Variants in MPRIP observed in about 807,000 individuals in gnomAD.
The protein encoded by MPRIP is myosin phosphatase Rho-interacting protein.
MPRIP carries 59 observed loss-of-function variants against 234.9 expected under a neutral mutation model. The observed-to-expected ratio is 0.25, with a 90% CI of 0.20 to 0.31. The LOEUF (loss-of-function observed/expected upper bound fraction) is 0.31. Among genes scored for constraint, MPRIP ranks in the 10% least tolerant of loss-of-function variants. The pLI is 1.00. For missense variants in MPRIP, 2,436 were observed against 3,071.0 expected, an observed-to-expected ratio of 0.79 and a Z score of 4.89; for synonymous variants, 1,144 against 1,263.9, an observed-to-expected ratio of 0.91 and a Z score of 2.01.
Position 17,172,678 on chromosome 17 carries a change from G to A in MPRIP, c.6473-20G>A. 2 of 1,603,492 alleles carry A rather than the reference G, an allele frequency of 1.2e-6. No individual in the cohort carries two copies. Among genetic ancestry groups the A allele is most frequent in the Non-Finnish European group, 1.7e-6 (2 of 1,173,926 alleles). On this transcript the variant is annotated intron_variant, in intron 17 of 23. Transcript: ENST00000651222. ...GAAGGGCGTGGTCCCTCGGTGCTGA[G>A]GCCGTGTCCTTGCCTGCAGCCATCG...
At position 17,166,886 on chromosome 17, in the gene MPRIP, C is replaced by T. The variant is rs1002062767; in HGVS notation, c.5295C>T (p.Phe1765=). ...ACTCAGACAGCTCTCAGGAGCCCTTCGATGTGTCTGACCAGAGCCCTGGGG... is the reference window on the plus strand; with the variant it reads ...ACTCAGACAGCTCTCAGGAGCCCTTTGATGTGTCTGACCAGAGCCCTGGGG... ...GRDSDSSQEP[F]DVSDQSPGAF... is the part of the protein sequence containing the mutation. The change falls in exon 16 of 24, where the codon TTC becomes TTT. Residue 1765 remains phenylalanine, a synonymous_variant. Coordinates refer to ENST00000651222, the MANE Select transcript of MPRIP (RefSeq NM_001364716.4). The surrounding 1 kb of genome is among the most constrained non-coding windows in gnomAD (Gnocchi z 4.4). The T allele has an allele frequency of 6.6e-5, 86 of 1,304,060 alleles. No homozygotes were observed. In the East Asian group the frequency reaches 7.8e-4, roughly 12 times the overall value. 80.8% of individuals were successfully genotyped at this position (1,304,060 alleles called of 1,614,324 possible). A position where few individuals can be genotyped will look rare whatever the true frequency, so the allele number is the denominator to read the frequency against.
At chr17:17,052,727 G>T (rs1460074126) in intron 1 of MPRIP, among the ~76,000 whole-genome samples, 1 of 152,196 alleles carries the variant, frequency 6.6e-6, no homozygotes, top group Non-Finnish European at 1.5e-5. Context: ...CTCAGCCTCG[G>T]GGTGCCCCAC....
chr17:17,176,519 C>A lies in MPRIP; in HGVS notation c.6957+7C>A. The A allele has an allele frequency of 6.2e-7, 1 of 1,609,122 alleles. No individual in the cohort carries two copies. The highest frequency in any genetic ancestry group is 8.5e-7 in the Non-Finnish European group (1 of 1,175,676). Reference sequence around the variant, plus strand: ...GCTGCAGACGGCACTGCGGGTAAGGCCACCGCACCACAGGAGGGCGGGTAC... The same window carrying A: ...GCTGCAGACGGCACTGCGGGTAAGGACACCGCACCACAGGAGGGCGGGTAC... On this transcript the variant is annotated splice_region_variant and intron_variant, in intron 21 of 23. Transcript: ENST00000651222.
intron 1 of MPRIP, among the ~76,000 whole-genome samples, chr17:17,067,605 C>T (rs955738745): frequency 1.1e-4 from 16 of 152,026 alleles, no homozygotes; most frequent in Middle Eastern, 3.2e-3. Flanking sequence ...TAAGGGAAAC[C>T]GTGGAACTGT....
intron 1 of MPRIP, among the ~76,000 whole-genome samples, chr17:17,066,419 A>T (rs1400341866): frequency 6.6e-6 from 1 of 152,180 alleles, no homozygotes; most frequent in African/African-American, 2.4e-5. Context: ...TCTTCTGTAG[A>T]GCATTAATTT....
At chr17:17,184,747 G>T in intron 23 of MPRIP, 76 bp from the exon 24 acceptor site, 2 of 1,171,272 alleles carry the variant, frequency 1.7e-6, no homozygotes, top group Non-Finnish European at 2.5e-6. Context: ...CCAGCGGTCC[G>T]GTCTGGTCCG....
At chr17:17,077,030 C>G (rs1302472820) in intron 2 of MPRIP, 1 of 149,814 alleles carries the variant, frequency 6.7e-6, no homozygotes, top group Non-Finnish European at 1.5e-5. Flanking sequence ...CAGTCTTGAC[C>G]TCCCAGGTTC....
chr17:17,083,773 C>G (rs1042691282), intron 3 of MPRIP, among the ~76,000 whole-genome samples: 2 of 152,104 alleles, frequency 1.3e-5, no homozygotes, highest in African/African-American at 4.8e-5. Flanking sequence ...GAGATGGAGT[C>G]TCACTCTGTC....
intron 17 of MPRIP, among the ~76,000 whole-genome samples, 165 bp downstream of exon 17, chr17:17,172,030 T>C (rs1255406686): frequency 6.6e-6 from 1 of 152,248 alleles, no homozygotes; most frequent in African/African-American, 2.4e-5. Context: ...AGGCCAATTT[T>C]AGGTCCCTTT....
chr17:17,182,752 T>G (rs983438526), intron 23 of MPRIP: 3 of 152,470 alleles, frequency 2.0e-5, no homozygotes, highest in African/African-American at 7.2e-5. Flanking sequence ...GGGCCTGCTG[T>G]AGCAGGAATC....
chr17:17,140,203 T>C (rs547051227), intron 7 of MPRIP, among the ~76,000 whole-genome samples: 2 of 152,282 alleles, frequency 1.3e-5, no homozygotes, highest in Admixed American at 1.3e-4. Context: ...GGATCAGCTA[T>C]GTCCTGGTTT....
intron 11 of MPRIP, among the ~76,000 whole-genome samples, chr17:17,148,581 T>G (rs1237847938): frequency 6.6e-6 from 1 of 152,234 alleles, no homozygotes; most frequent in Admixed American, 6.5e-5. Flanking sequence ...CCTCAATCTT[T>G]AAATGCCCAT....
chr17:17,058,612 C>CT (rs748562350), intron 1 of MPRIP, among the ~76,000 whole-genome samples: 3 of 152,120 alleles, frequency 2.0e-5, no homozygotes, highest in Non-Finnish European at 4.4e-5. Context: ...GGTGTTGCCT[C>CT]TGTCACAGCC....
chr17:17,054,523 C>G (rs1481794678), intron 1 of MPRIP, among the ~76,000 whole-genome samples: 2 of 152,200 alleles, frequency 1.3e-5, no homozygotes, highest in African/African-American at 4.8e-5. Context: ...TGCACCCACA[C>G]CTGCTCAGAC....
At chr17:17,092,876 C>T (rs553869326) in intron 3 of MPRIP, among the ~76,000 whole-genome samples, 26 of 152,288 alleles carry the variant, frequency 1.7e-4, no homozygotes, top group Admixed American at 6.5e-4. Flanking sequence ...GGAGAGCGCC[C>T]CGGCCACACC....
At chr17:17,064,192 G>GT (rs1264013503) in intron 1 of MPRIP, among the ~76,000 whole-genome samples, 14 of 145,044 alleles carry the variant, frequency 9.7e-5, no homozygotes, top group African/African-American at 3.2e-4. Context: ...TTGTTTTTCG[G>GT]TTTTTTTTGT....
intron 3 of MPRIP, among the ~76,000 whole-genome samples, chr17:17,097,734 G>A (rs998804949): frequency 6.6e-6 from 1 of 152,172 alleles, no homozygotes; most frequent in East Asian, 1.9e-4. Context: ...AGTTACCTCT[G>A]TCCAGAACTG....
chr17:17,054,944 G>C (rs1363009394), intron 1 of MPRIP, among the ~76,000 whole-genome samples: 2 of 151,994 alleles, frequency 1.3e-5, no homozygotes, highest in Non-Finnish European at 2.9e-5. Flanking sequence ...CCAGCTACTT[G>C]GGAGGCTGAG....
chr17:17,050,271 C>T (rs2088493367), intron 1 of MPRIP, among the ~76,000 whole-genome samples: 3 of 139,724 alleles, frequency 2.1e-5, no homozygotes, highest in Admixed American at 1.6e-4. Flanking sequence ...GCTGAGATTG[C>T]GCCACTGCAC....
Sources: allele counts gnomAD v4.1 joint callset (sites outside exome capture counted in the v4.1 genomes callset), GRCh38; gene constraint gnomAD v4.1.1; non-coding constraint Gnocchi (gnomAD v3.1); transcripts MANE v1.5; gene names NCBI Gene and HGNC (gene_info 2026-07-23, HGNC 2026-07-21).